ZNF76: variants seen among roughly 807,000 people sequenced by gnomAD.
ZNF76 encodes the protein zinc finger protein 523.
A neutral mutation model predicts 66.9 loss-of-function variants in ZNF76; 66 were observed. The ratio of observed to expected loss-of-function variants is 0.99; its 90% CI spans 0.81 to 1.21. The LOEUF (loss-of-function observed/expected upper bound fraction) is 1.21, where lower values mean the gene tolerates loss of function less well. ZNF76 is among the 50% of genes most tolerant of loss of function. The probability of loss-of-function intolerance (pLI) is 0.00; values close to 1 mark genes in which losing one functional copy is unlikely to be tolerated. For missense variants in ZNF76, 729 were observed against 760.3 expected, an observed-to-expected ratio of 0.96 and a Z score of 0.48; for synonymous variants, 275 against 296.1, an observed-to-expected ratio of 0.93 and a Z score of 0.73.
chr6:35,287,705 A>G lies in ZNF76; in HGVS notation c.292A>G (p.Ile98Val), dbSNP rs1789771495. 1.2e-6 allele frequency: 2 copies of G among 1,614,200 alleles called. No homozygotes were observed. Among genetic ancestry groups the G allele is most frequent in the South Asian group, 2.2e-5 (2 of 91,090 alleles). ...VQLEDGSTAY[I>V]HHPVAVPSES... ...ACTGGAAGATGGCTCCACTGCCTAC[A>G]TTCACCACCCTGTGGCTGTGCCATC... Residue 98 changes from isoleucine (I) to valine (V), a missense_variant, in exon 5 of 14, where the codon ATT (isoleucine) becomes GTT (valine). Ile to Val is a conservative substitution (Grantham distance 29). Coordinates refer to ENST00000373953, the MANE Select transcript of ZNF76 (RefSeq NM_003427.5). This position sits in a 1 kb window ranked among gnomAD's most constrained non-coding sequence, Gnocchi z 4.0.
intron 6 of ZNF76, 56 bp from the exon 7 acceptor site, chr6:35,290,585 A>G (rs1790235901): frequency 1.9e-6 from 3 of 1,600,990 alleles, no homozygotes; most frequent in South Asian, 2.2e-5. Context: ...AAGAAAACCA[A>G]AGAGCCCTGG....
At chr6:35,273,932 T>C (rs371308999) in intron 1 of ZNF76, among the ~76,000 whole-genome samples, 55 of 152,330 alleles carry the variant, frequency 3.6e-4, no homozygotes, top group South Asian at 8.3e-4. Flanking sequence ...TTAAAACTTA[T>C]GTTAGTGCAA....
In ZNF76 at chr6:35,280,675, G is replaced by GT. The variant is rs779465025; in HGVS notation, c.-96-379dup. Among the ~76,000 whole-genome samples the GT allele has an allele frequency of 1.8e-3, 277 of 152,272 alleles. 2 individuals carry two copies. Among genetic ancestry groups the GT allele is most frequent in the Non-Finnish European group, 2.0e-3 (136 of 68,016 alleles). ...ACATGTGGGATGTTCCCTGAGGATG[G>GT]TTAACAAGCTCAGTAGATAAATGGG... On this transcript the variant is annotated intron_variant, in intron 1 of 13. Coordinates refer to ENST00000373953, the MANE Select transcript of ZNF76 (RefSeq NM_003427.5).
rs756166612 is a variant in ZNF76, at chr6:35,292,585, C to T, written c.963C>T (p.Gly321=). 8.1e-6 allele frequency: 13 copies of T among 1,613,498 alleles called. No individual in the cohort carries two copies. Among genetic ancestry groups the T allele is most frequent in the East Asian group, 2.2e-5 (1 of 44,882 alleles). ...AGCCATACGTTTGCACGGTGCCAGG[C>T]TGCGGGAAACGCTTCACCGAGTACT... The part of the protein sequence containing the change: ...GEKPYVCTVP[G]CGKRFTEYSS... The change falls in exon 10 of 14, where the codon GGC becomes GGT. Residue 321 remains glycine (G), a synonymous_variant. Transcript: ENST00000373953. The surrounding 1 kb of genome is among the most constrained non-coding windows in gnomAD (Gnocchi z 4.7).
intron 1 of ZNF76, among the ~76,000 whole-genome samples, chr6:35,270,844 ACT>A (rs1473150862): frequency 1.7e-4 from 26 of 152,306 alleles, no homozygotes; most frequent in Admixed American, 2.0e-4. Context: ...GGTGTGAGCC[ACT>A]GCGCCCAGCC....
intron 1 of ZNF76, among the ~76,000 whole-genome samples, chr6:35,275,291 C>G (rs917206895): frequency 2.6e-5 from 4 of 152,132 alleles, no homozygotes; most frequent in African/African-American, 9.7e-5. Flanking sequence ...CTATACACAG[C>G]TCAGGTCATT....
In ZNF76 at chr6:35,284,537, G is replaced by A. The variant is rs550876143; in HGVS notation, c.74-1591G>A. Among the ~76,000 whole-genome samples the A allele has an allele frequency of 8.6e-5, 13 of 151,216 alleles. 1 individual carries two copies. The East Asian group carries it at 2.3e-3, about 27-fold the overall frequency. On this transcript the variant is annotated intron_variant, in intron 2 of 13. Transcript: ENST00000373953. ...CCTCAGCCTTCCGAGTAGCTGGGAC[G>A]ACAGGTACCTGCCTCCACACCCAGC...
rs1454699061 is a variant in ZNF76 at position 35,292,103 on chromosome 6, C to T, written c.931+366C>T. The T allele has an allele frequency of 2.4e-6, 1 of 418,104 alleles. No homozygotes were observed. Among genetic ancestry groups the T allele is most frequent in the East Asian group, 4.8e-5 (1 of 20,938 alleles). 25.9% of individuals were successfully genotyped at this position (418,104 alleles called of 1,614,324 possible). A position where few individuals can be genotyped will look rare whatever the true frequency, so the allele number is the denominator to read the frequency against. ...ACCTTCAACTCCTCACCTTATCCGC[C>T]GTCCATGACTCCTGTGTATCCTCAC... On this transcript the variant is annotated intron_variant, in intron 9 of 13. Transcript: ENST00000373953. The surrounding 1 kb of genome is among the most constrained non-coding windows in gnomAD (Gnocchi z 4.7).
chr6:35,291,487 G>A (rs561920621), intron 8 of ZNF76, 71 bp from the exon 9 acceptor site: 182 of 1,608,698 alleles, frequency 1.1e-4, no homozygotes, highest in Non-Finnish European at 2.0e-5. Flanking sequence ...CTGGAGCCCA[G>A]TGCCATCCCC....
In ZNF76 at chr6:35,292,565, T is replaced by C. The variant is rs775890871; in HGVS notation, c.943T>C (p.Tyr315His). ...HVRIHTGEKP[Y>H]VCTVPGCGKR... ...CCCAGTGTCCCCAGGGGAGAAGCCA[T>C]ACGTTTGCACGGTGCCAGGCTGCGG... is the stretch of plus-strand genomic sequence containing the variant. The change falls in exon 10 of 14, where the codon TAC becomes CAC. Residue 315 changes from tyrosine (Y) to histidine (H), a missense_variant. Tyr to His is a moderately conservative substitution (Grantham distance 83). Coordinates refer to ENST00000373953, the MANE Select transcript of ZNF76 (RefSeq NM_003427.5). This position sits in a 1 kb window ranked among gnomAD's most constrained non-coding sequence, Gnocchi z 4.7. 6.4e-7 allele frequency: 1 copy of C among 1,570,196 alleles called. No homozygotes were observed. The highest frequency in any genetic ancestry group is 1.7e-5 in the Admixed American group (1 of 58,534).
At chr6:35,289,000 C>G (rs912967499) in intron 5 of ZNF76, among the ~76,000 whole-genome samples, 2 of 149,688 alleles carry the variant, frequency 1.3e-5, no homozygotes, top group South Asian at 2.1e-4. Flanking sequence ...AGGCTACATT[C>G]ACTCCCACCC....
Position 35,286,235 on chromosome 6 carries a change from T to G in ZNF76, c.154+27T>G, listed in dbSNP as rs756346944. ...TGAGGGCACCCCAACACACCATGCCTTGTCGAGGGAAGCCTGACAGCCCCC... is the reference window on the plus strand; with the variant it reads ...TGAGGGCACCCCAACACACCATGCCGTGTCGAGGGAAGCCTGACAGCCCCC... On this transcript the variant is annotated intron_variant, in intron 3 of 13. Transcript: ENST00000373953. 3 of 1,613,738 alleles carry G rather than the reference T, an allele frequency of 1.9e-6. No individual in the cohort carries two copies. The African/African-American group carries it at 4.0e-5, about 22-fold the overall frequency.
At chr6:35,280,169 C>G (rs1201458018) in intron 1 of ZNF76, among the ~76,000 whole-genome samples, 3 of 152,128 alleles carry the variant, frequency 2.0e-5, no homozygotes, top group Non-Finnish European at 4.4e-5. Context: ...CAGCAGGCCT[C>G]TACAGGCTCC....
At chr6:35,273,892 A>G (rs1465451009) in intron 1 of ZNF76, among the ~76,000 whole-genome samples, 1 of 152,082 alleles carries the variant, frequency 6.6e-6, no homozygotes, top group Admixed American at 6.6e-5. Flanking sequence ...AAAAAGCAAT[A>G]TGCTTTATGC....
chr6:35,286,269 ACCCCT>A (rs1331656271), intron 3 of ZNF76, 48 bp from the exon 4 acceptor site: 1 of 1,612,848 alleles, frequency 6.2e-7, no homozygotes, highest in Admixed American at 1.7e-5. Flanking sequence ...CCACCAAGGG[ACCCCT>A]CCATGGCACT....
In ZNF76 at chr6:35,288,137, C is replaced by A. The variant is rs1228286669; in HGVS notation, c.432+292C>A. ...GGAAAGCTGCCATAAGAAACAGTGG[C>A]ATCCTTATGCTGAGGAGTTAGGCCC... On this transcript the variant is annotated intron_variant, in intron 5 of 13. Coordinates refer to ENST00000373953, the MANE Select transcript of ZNF76 (RefSeq NM_003427.5). The A allele has an allele frequency of 5.0e-6, 3 of 603,206 alleles. No homozygotes were observed. In the African/African-American group the frequency reaches 5.4e-5, roughly 11 times the overall value. The allele number at this position is 603,206 out of a possible 1,614,324, so 37.4% of individuals were successfully genotyped here.
intron 1 of ZNF76, among the ~76,000 whole-genome samples, chr6:35,262,192 T>G (rs1374133706): frequency 6.6e-6 from 1 of 152,222 alleles, no homozygotes; most frequent in Non-Finnish European, 1.5e-5. Context: ...GACTCTTCTC[T>G]GTGTCCCTGT....
At chr6:35,264,498 T>C (rs1387922812) in intron 1 of ZNF76, among the ~76,000 whole-genome samples, 2 of 152,134 alleles carry the variant, frequency 1.3e-5, no homozygotes, top group Non-Finnish European at 2.9e-5. Context: ...GGAGGCAAAA[T>C]GTTGGTAATT....
Position 35,291,409 on chromosome 6 carries a change from C to T in ZNF76, c.751+6C>T, listed in dbSNP as rs1488807180. The T allele has an allele frequency of 6.2e-6, 10 of 1,614,118 alleles. No individual in the cohort carries two copies. The highest frequency in any genetic ancestry group is 8.5e-6 in the Non-Finnish European group (10 of 1,180,008). ...GCATGTCCGTACCCACACTGGTATG[C>T]TGGGCCCTGCCCACTCCAACCCCAT... On this transcript the variant is annotated splice_donor_region_variant and intron_variant, in intron 8 of 13. Coordinates refer to ENST00000373953, the MANE Select transcript of ZNF76 (RefSeq NM_003427.5).
Sources: allele counts gnomAD v4.1 joint callset (sites outside exome capture counted in the v4.1 genomes callset), GRCh38; gene constraint gnomAD v4.1.1; non-coding constraint Gnocchi (gnomAD v3.1); transcripts MANE v1.5; gene names NCBI Gene and HGNC (gene_info 2026-07-23, HGNC 2026-07-21).